The following UBAP2 variants were observed in gnomAD, a reference collection of about 807,000 sequenced individuals.
UBAP2 encodes ubiquitin associated protein 2, also known as ubiquitin-associated protein 2.
In UBAP2, 75 loss-of-function variants were observed where a neutral mutation model predicts 139.6. The observed-to-expected ratio is 0.54, with a 90% CI of 0.45 to 0.65. UBAP2 has a LOEUF of 0.65. Ranked by LOEUF, UBAP2 falls within the 30% of genes least tolerant of loss-of-function variation. The pLI is 0.00. For missense variants in UBAP2, 1,368 were observed against 1,369.6 expected (o/e 1.00, Z 0.02); for synonymous variants, 526 against 526.2 (o/e 1.00, Z 0.01).
intron 8 of UBAP2, among the ~76,000 whole-genome samples, chr9:33,965,599 A>T (rs1827385209): frequency 6.6e-6 from 1 of 152,198 alleles, no homozygotes; most frequent in Admixed American, 6.5e-5. Context: ...GTAACCTTGG[A>T]GGGTAATTTT....
intron 4 of UBAP2, among the ~76,000 whole-genome samples, chr9:33,992,881 C>G (rs931107468): frequency 1.2e-4 from 18 of 152,254 alleles, no homozygotes; most frequent in African/African-American, 3.9e-4. Context: ...TGAAGAAACT[C>G]TAAGAGGAGA....
At chr9:34,031,061 T>TGG (rs1306596762) in intron 1 of UBAP2, among the ~76,000 whole-genome samples, 2 of 151,928 alleles carry the variant, frequency 1.3e-5, no homozygotes, top group African/African-American at 4.8e-5. Flanking sequence ...CCTGGCAAGG[T>TGG]GGGAGTCAGG....
intron 2 of UBAP2, among the ~76,000 whole-genome samples, chr9:34,004,688 G>A (rs1587645851): frequency 1.3e-5 from 2 of 151,484 alleles, no homozygotes; most frequent in South Asian, 4.2e-4. Context: ...GGAGGCTGAG[G>A]CAGGACAATG....
rs940804493 is a variant in UBAP2 at position 33,921,694 on chromosome 9, A to T, written c.*810T>A. The T allele has an allele frequency of 6.5e-6, 1 of 152,704 alleles. No homozygotes were observed. Among genetic ancestry groups the T allele is most frequent in the Non-Finnish European group, 1.5e-5 (1 of 68,082 alleles). 9.5% of individuals were successfully genotyped at this position (152,704 alleles called of 1,614,324 possible). On this transcript the variant is annotated 3_prime_UTR_variant, in exon 29 of 29. Coordinates refer to ENST00000379238, the MANE Select transcript of UBAP2 (RefSeq NM_001370062.2). ...CAGTCACACCACACAGAGACCATGC[A>T]TGCTCTCAGAACTTTATTAGGTGGG...
chr9:33,994,717 C>G (rs1167362175), intron 4 of UBAP2: 1 of 151,158 alleles, frequency 6.6e-6, no homozygotes, highest in Admixed American at 6.6e-5. Flanking sequence ...TACCAGTGTT[C>G]TCTTACATGG....
intron 4 of UBAP2, chr9:33,995,202 CA>C (rs1459448148): frequency 1.3e-5 from 2 of 151,324 alleles, no homozygotes; most frequent in Non-Finnish European, 2.9e-5. Context: ...ACTAAAAATA[CA>C]AAAATTAGCT....
At chr9:33,996,420 T>C (rs1587632290) in intron 3 of UBAP2, 87 bp from the exon 4 acceptor site, 2 of 859,582 alleles carry the variant, frequency 2.3e-6, no homozygotes, top group Middle Eastern at 2.2e-4. Context: ...CAGAATTACA[T>C]AATCCTTCTA....
chr9:33,975,107 T>C (rs1828205842), intron 6 of UBAP2, among the ~76,000 whole-genome samples: 1 of 151,990 alleles, frequency 6.6e-6, no homozygotes, highest in South Asian at 2.1e-4. Flanking sequence ...GGATGACTAC[T>C]ACCAAAATTA....
At chr9:33,972,412 G>C (rs1827982663) in intron 7 of UBAP2, among the ~76,000 whole-genome samples, 1 of 152,212 alleles carries the variant, frequency 6.6e-6, no homozygotes, top group Non-Finnish European at 1.5e-5. Context: ...TTTGCTCCCT[G>C]TGTTTTCATC....
chr9:34,018,255 G>GA (rs1253618785), intron 1 of UBAP2, among the ~76,000 whole-genome samples: 2 of 142,032 alleles, frequency 1.4e-5, no homozygotes, highest in Admixed American at 7.1e-5. Context: ...TTAGACAGAA[G>GA]AGCCGGGAAT....
intron 1 of UBAP2, among the ~76,000 whole-genome samples, chr9:34,024,047 AAAAAAT>A (rs1384084265): frequency 6.6e-6 from 1 of 151,728 alleles, no homozygotes; most frequent in Non-Finnish European, 1.5e-5. Context: ...CTGTCTCAAA[AAAAAAT>A]AAAAATAAAA....
chr9:34,017,159 T>C lies in UBAP2; in HGVS notation c.-11A>G. On this transcript the variant is annotated 5_prime_UTR_variant, in exon 2 of 29. Coordinates refer to ENST00000379238, the MANE Select transcript of UBAP2 (RefSeq NM_001370062.2). ...CACTGAAGTCATCATATACAGTATATACAAAATAATGTATGTACAAAATAG... is the reference window on the plus strand; with the variant it reads ...CACTGAAGTCATCATATACAGTATACACAAAATAATGTATGTACAAAATAG... 8 of 1,555,198 alleles carry C rather than the reference T, an allele frequency of 5.1e-6. No homozygotes were observed. Among genetic ancestry groups the C allele is most frequent in the Non-Finnish European group, 6.9e-6 (8 of 1,152,204 alleles).
At chr9:34,012,801 C>A (rs10758236) in intron 2 of UBAP2, among the ~76,000 whole-genome samples, 91,032 of 151,284 alleles carry the variant, frequency 0.6, 27,746 homozygotes, top group East Asian at 0.81. Context: ...AGTAATTATT[C>A]ATATTCCCAT....
At chr9:33,973,679 G>C (rs1411983094) in intron 6 of UBAP2, among the ~76,000 whole-genome samples, 6 of 152,142 alleles carry the variant, frequency 3.9e-5, no homozygotes. Flanking sequence ...GCAAGCATGA[G>C]AACAAGCAAG....
chr9:33,939,419 G>T (rs915372041), intron 16 of UBAP2, among the ~76,000 whole-genome samples: 1 of 151,448 alleles, frequency 6.6e-6, no homozygotes, highest in African/African-American at 2.4e-5. Context: ...GGCTGGTCTC[G>T]AACTCCTGAT....
In UBAP2 at chr9:33,948,473, TG is replaced by T. The variant is rs1825829075; in HGVS notation, c.1170del (p.Thr391ProfsTer48). On this transcript the variant is annotated frameshift_variant, in exon 13 of 29. Coordinates refer to ENST00000379238, the MANE Select transcript of UBAP2 (RefSeq NM_001370062.2). LOFTEE classifies it high-confidence loss of function. ...LKAPSLGQFTTTPSTQQNSTS... is the reference protein window; with the variant it reads ...LKAPSLGQFTXTPSTQQNSTS... The stretch of plus-strand genomic sequence containing the variant: ...GTACTATTCTGCTGTGTACTTGGGG[TG>T]GTGGTAAACTGGCCCAAACTCGGAG... 6.2e-7 allele frequency: 1 copy of T among 1,613,954 alleles called. No individual in the cohort carries two copies. Among genetic ancestry groups the T allele is most frequent in the Admixed American group, 1.7e-5 (1 of 59,984 alleles).
intron 2 of UBAP2, among the ~76,000 whole-genome samples, chr9:34,011,241 C>A (rs530915500): frequency 6.6e-6 from 1 of 152,268 alleles, no homozygotes; most frequent in African/African-American, 2.4e-5. Context: ...TTCACCCATA[C>A]ATTTCTAACT....
At chr9:33,966,369 G>A (rs1827456050) in intron 8 of UBAP2, among the ~76,000 whole-genome samples, 1 of 151,746 alleles carries the variant, frequency 6.6e-6, no homozygotes, top group South Asian at 2.1e-4. Context: ...TGAGGTAAGA[G>A]ATCACTCACC....
chr9:33,998,909 T>A, intron 2 of UBAP2, 45 bp from the exon 3 acceptor site: 2 of 1,535,588 alleles, frequency 1.3e-6, no homozygotes, highest in Non-Finnish European at 1.8e-6. Context: ...ACCAAAAGCA[T>A]AAGTTAGATT....
Sources: gnomAD v4.1 joint callset for allele counts (sites outside exome capture counted in the v4.1 genomes callset) on GRCh38, gnomAD v4.1.1 for gene constraint, MANE v1.5 for transcripts, NCBI Gene and HGNC (gene_info 2026-07-23, HGNC 2026-07-21) for gene names.